SMIM31: variants seen among roughly 807,000 people sequenced by gnomAD.
SMIM31 encodes the protein small integral membrane protein 31.
intron 1 of SMIM31, among the ~76,000 whole-genome samples, chr4:164,762,474 C>T (rs1383703273): frequency 5.3e-5 from 8 of 151,926 alleles, no homozygotes; most frequent in East Asian, 3.9e-4. Context: ...CCCAGCACTT[C>T]GGGAAGCCGA....
chr4:164,754,747 C>T (rs879829606), intron 1 of SMIM31, among the ~76,000 whole-genome samples: 1 of 151,066 alleles, frequency 6.6e-6, no homozygotes, highest in Admixed American at 6.6e-5. Flanking sequence ...GTAGAATTAA[C>T]CAAATTAAAT....
chr4:164,792,069 A>T (rs890039529), intron 2 of SMIM31, among the ~76,000 whole-genome samples: 1 of 152,228 alleles, frequency 6.6e-6, no homozygotes, highest in East Asian at 1.9e-4. Context: ...AGTGCGTCTC[A>T]AAACTTTAAT....
intron 2 of SMIM31, among the ~76,000 whole-genome samples, chr4:164,789,354 C>T (rs1733071162): frequency 6.6e-6 from 1 of 152,172 alleles, no homozygotes; most frequent in South Asian, 2.1e-4. Flanking sequence ...ATCTACACTC[C>T]ATAGGTAATG....
intron 1 of SMIM31, among the ~76,000 whole-genome samples, chr4:164,763,131 T>C (rs897844684): frequency 6.6e-6 from 1 of 152,226 alleles, no homozygotes; most frequent in Non-Finnish European, 1.5e-5. Context: ...TTAGTAAACC[T>C]ATACTTTAGA....
intron 2 of SMIM31, among the ~76,000 whole-genome samples, chr4:164,795,975 A>G (rs1191969426): frequency 6.6e-6 from 1 of 152,162 alleles, no homozygotes; most frequent in Non-Finnish European, 1.5e-5. Context: ...CTCCTTGCTG[A>G]CATCCTCAAA....
chr4:164,770,409 C>T lies in SMIM31; in HGVS notation c.-25-10C>T. On this transcript the variant is annotated splice_polypyrimidine_tract_variant and intron_variant, in intron 1 of 2. Transcript: ENST00000507311. ...GAGTATGCTGAGCCCATGTTTTATT[C>T]CTATTGTAGGTGAAGAAGTTTTCGG... 1 of 398,706 alleles carries T rather than the reference C, an allele frequency of 2.5e-6. No individual in the cohort carries two copies. Among genetic ancestry groups the T allele is most frequent in the East Asian group, 3.6e-5 (1 of 28,028 alleles). 24.7% of individuals were successfully genotyped at this position (398,706 alleles called of 1,614,324 possible). A position where few individuals can be genotyped will look rare whatever the true frequency, so the allele number is the denominator to read the frequency against.
chr4:164,800,891 G>A (rs941022027), intron 2 of SMIM31, among the ~76,000 whole-genome samples, 200 bp from the exon 3 acceptor site: 7 of 152,052 alleles, frequency 4.6e-5, no homozygotes, highest in Non-Finnish European at 2.9e-5. Context: ...AGGAAGAAAC[G>A]AGTGTTCACT....
intron 1 of SMIM31, 29 bp from the exon 2 acceptor site, chr4:164,770,390 G>A: frequency 2.5e-6 from 1 of 398,770 alleles, no homozygotes; most frequent in Non-Finnish European, 4.4e-6. Flanking sequence ...ATTAGAGTAT[G>A]CTGAGCCCAT....
chr4:164,797,325 G>C (rs1457624297), intron 2 of SMIM31, among the ~76,000 whole-genome samples: 1 of 151,770 alleles, frequency 6.6e-6, no homozygotes, highest in African/African-American at 2.4e-5. Context: ...GGTAAACTTG[G>C]GGATATGGGA....
chr4:164,797,646 T>C (rs915206529), intron 2 of SMIM31, among the ~76,000 whole-genome samples: 4 of 151,974 alleles, frequency 2.6e-5, no homozygotes, highest in Admixed American at 6.6e-5. Context: ...GTATTTTTAG[T>C]AGAGAAGAGG....
At chr4:164,782,619 C>T (rs1003285739) in intron 2 of SMIM31, among the ~76,000 whole-genome samples, 24 of 123,602 alleles carry the variant, frequency 1.9e-4, no homozygotes, top group African/African-American at 1.2e-3. Context: ...CTGCGCCCGG[C>T]CCCAACACTA....
At chr4:164,777,942 G>T (rs570740926) in intron 2 of SMIM31, among the ~76,000 whole-genome samples, 1 of 152,354 alleles carries the variant, frequency 6.6e-6, no homozygotes, top group Non-Finnish European at 1.5e-5. Context: ...GTGGCCAAAG[G>T]CCCTACAGCA....
intron 2 of SMIM31, among the ~76,000 whole-genome samples, chr4:164,791,181 T>C (rs976885975): frequency 2.6e-5 from 4 of 152,358 alleles, no homozygotes; most frequent in African/African-American, 9.6e-5. Flanking sequence ...TTTTTTCTTA[T>C]TCTCAATAAA....
At chr4:164,791,121 T>A (rs1312380597) in intron 2 of SMIM31, among the ~76,000 whole-genome samples, 3 of 152,184 alleles carry the variant, frequency 2.0e-5, no homozygotes, top group Non-Finnish European at 4.4e-5. Context: ...ATAACTTCTA[T>A]CCTCTTTTGT....
chr4:164,772,086 G>T (rs938419286), intron 2 of SMIM31, among the ~76,000 whole-genome samples: 14 of 152,118 alleles, frequency 9.2e-5, no homozygotes, highest in Non-Finnish European at 1.9e-4. Flanking sequence ...ATAAAGAAAA[G>T]AATTTTAATT....
At chr4:164,776,333 C>T (rs756022102) in intron 2 of SMIM31, among the ~76,000 whole-genome samples, 5 of 152,064 alleles carry the variant, frequency 3.3e-5, no homozygotes, top group Non-Finnish European at 7.4e-5. Flanking sequence ...ACTAGAGTTC[C>T]ATGATTTGTT....
At chr4:164,801,022 C>CGAA (rs1373083462) in intron 2 of SMIM31, 69 bp from the exon 3 acceptor site, 3 of 396,572 alleles carry the variant, frequency 7.6e-6, no homozygotes, top group Non-Finnish European at 1.3e-5. Context: ...TTCTTATAAC[C>CGAA]GAAGTTAATT....
At chr4:164,783,470 G>A (rs1300659442) in intron 2 of SMIM31, among the ~76,000 whole-genome samples, 1 of 149,942 alleles carries the variant, frequency 6.7e-6, no homozygotes, top group Non-Finnish European at 1.5e-5. Flanking sequence ...GTTACAGTGA[G>A]CCCCTGTTGA....
chr4:164,782,292 A>C (rs1023819395), intron 2 of SMIM31, among the ~76,000 whole-genome samples: 3 of 146,246 alleles, frequency 2.1e-5, no homozygotes, highest in African/African-American at 7.4e-5. Context: ...TCCGTCTCAC[A>C]AAAAAAAAAG....
Sources: allele counts gnomAD v4.1 joint callset (sites outside exome capture counted in the v4.1 genomes callset), GRCh38; gene constraint gnomAD v4.1.1; transcripts MANE v1.5; gene names NCBI Gene and HGNC (gene_info 2026-07-23, HGNC 2026-07-21).